The following NBEA variants were observed in gnomAD, a reference collection of about 807,000 sequenced individuals.
NBEA encodes the protein neurobeachin, also known as lysosomal-trafficking regulator 2.
Under a neutral mutation model 343.4 loss-of-function variants are expected in NBEA, and 44 were observed. That is an observed-to-expected ratio of 0.13 (90% CI 0.10 to 0.16). The LOEUF is 0.16. Ranked by LOEUF, NBEA falls within the 10% of genes least tolerant of loss-of-function variation. The probability of loss-of-function intolerance (pLI) is 1.00; values close to 1 mark genes in which losing one functional copy is unlikely to be tolerated. For synonymous variants in NBEA, 1,175 were observed against 1,238.7 expected (o/e 0.95, Z 1.08); for missense variants, 2,555 against 3,631.3 (o/e 0.70, Z 7.62).
intron 36 of NBEA, among the ~76,000 whole-genome samples, chr13:35,324,219 G>A (rs1178766546): frequency 6.6e-6 from 1 of 152,158 alleles, no homozygotes; most frequent in Non-Finnish European, 1.5e-5. Flanking sequence ...AGATGAGCAG[G>A]ACAGATAGGA....
intron 38 of NBEA, among the ~76,000 whole-genome samples, chr13:35,373,245 G>T (rs999379247): frequency 6.6e-6 from 1 of 152,068 alleles, no homozygotes. Flanking sequence ...TGATCTGTTG[G>T]AAGTGTGATT....
intron 56 of NBEA, 116 bp from the exon 57 acceptor site, chr13:35,667,257 TC>T (rs1034466029): frequency 6.1e-6 from 5 of 816,644 alleles, no homozygotes; most frequent in Non-Finnish European, 9.9e-6. Flanking sequence ...CCTACCTCTT[TC>T]CTGTCCTCTT....
At chr13:35,389,526 T>G (rs1022945269) in intron 38 of NBEA, among the ~76,000 whole-genome samples, 2 of 152,032 alleles carry the variant, frequency 1.3e-5, no homozygotes, top group Non-Finnish European at 2.9e-5. Context: ...AATACCTCAA[T>G]CCAAATGATC....
chr13:35,214,007 A>C (rs372065230), intron 33 of NBEA, among the ~76,000 whole-genome samples: 33 of 151,988 alleles, frequency 2.2e-4, no homozygotes, highest in African/African-American at 7.9e-4. Flanking sequence ...AGTACATACT[A>C]TTTTTGGTGT....
intron 41 of NBEA, among the ~76,000 whole-genome samples, chr13:35,545,701 G>C (rs1025717334): frequency 6.6e-6 from 1 of 152,170 alleles, no homozygotes; most frequent in Admixed American, 6.5e-5. Context: ...AAATTGCTTA[G>C]CCTAAAGCCC....
At position 35,594,685 on chromosome 13, in the gene NBEA, G is replaced by A. The variant is rs114783950; in HGVS notation, c.7296+1238G>A. Among the ~76,000 whole-genome samples, 551 of 152,090 alleles carry A rather than the reference G, an allele frequency of 3.6e-3. 1 individual carries two copies. Among genetic ancestry groups the A allele is most frequent in the African/African-American group, 0.013 (524 of 41,506 alleles). ...TTTGTTACCAGTGAAGTCAAGGAGG[G>A]AGTCTGTTTCTTATATAATAACACT... On this transcript the variant is annotated intron_variant, in intron 47 of 58. Transcript: ENST00000379939.
intron 38 of NBEA, among the ~76,000 whole-genome samples, chr13:35,366,740 AATAATT>A (rs1273715624): frequency 2.0e-5 from 3 of 151,300 alleles, no homozygotes; most frequent in African/African-American, 7.3e-5. Flanking sequence ...AAACTGAAAA[AATAATT>A]AACACATCAC....
At chr13:35,356,337 C>A (rs1330440323) in intron 38 of NBEA, among the ~76,000 whole-genome samples, 2 of 152,084 alleles carry the variant, frequency 1.3e-5, no homozygotes, top group Non-Finnish European at 2.9e-5. Flanking sequence ...TCACAAGTTC[C>A]TCAAAAAGAC....
At chr13:35,190,190 G>A (rs2072074329) in intron 30 of NBEA, among the ~76,000 whole-genome samples, 1 of 152,166 alleles carries the variant, frequency 6.6e-6, no homozygotes, top group African/African-American at 2.4e-5. Context: ...AGAAAAGCCT[G>A]TCTCCAAGGT....
rs143599505 is a variant in NBEA, at chr13:35,054,035, T to C, written c.973-1975T>C. 4.8e-3 allele frequency among the ~76,000 whole-genome samples: 727 copies of C among 152,198 alleles called. 3 individuals are homozygous for C. The highest frequency in any genetic ancestry group is 7.3e-3 in the Non-Finnish European group (498 of 67,982). On this transcript the variant is annotated intron_variant, in intron 6 of 58. Transcript: ENST00000379939. ...AGTAGTAAGAACTCAGTAAGTATTG[T>C]TTGAATGAGTACTTTTTTTAATAGT... is the stretch of plus-strand genomic sequence containing the variant.
At chr13:35,466,593 A>G (rs949010428) in intron 40 of NBEA, among the ~76,000 whole-genome samples, 5 of 152,090 alleles carry the variant, frequency 3.3e-5, no homozygotes, top group African/African-American at 1.2e-4. Context: ...TCAGCTTCCT[A>G]GGTAGCCAGG....
rs201864452 is a variant in NBEA at position 35,159,765 on chromosome 13, T to C, written c.3594T>C (p.Cys1198=). The C allele has an allele frequency of 5.8e-5, 93 of 1,613,172 alleles. No homozygotes were observed. In the African/African-American group the frequency reaches 8.8e-4, roughly 15 times the overall value. The change falls in exon 22 of 59, where the codon TGT becomes TGC. Residue 1198 remains cysteine, a synonymous_variant. Coordinates refer to ENST00000379939, the MANE Select transcript of NBEA (RefSeq NM_001385012.1). ...AHMTGSVDLT[C]TSSIIEEKEF... ...TGACCGGTAGCGTAGACTTAACTTG[T>C]ACATCCAGTATAATAGAAGAAAAAG...
intron 38 of NBEA, among the ~76,000 whole-genome samples, chr13:35,416,437 G>A (rs974895317): frequency 6.6e-6 from 1 of 152,104 alleles, no homozygotes; most frequent in African/African-American, 2.4e-5. Flanking sequence ...CTACTTTAGT[G>A]AGAGTTTTTA....
At chr13:35,241,425 T>A (rs903462299) in intron 34 of NBEA, among the ~76,000 whole-genome samples, 4 of 151,740 alleles carry the variant, frequency 2.6e-5, no homozygotes, top group African/African-American at 9.7e-5. Flanking sequence ...CAAAAGACAC[T>A]ACCACTGTGG....
intron 18 of NBEA, among the ~76,000 whole-genome samples, chr13:35,144,131 G>GA (rs2068266307): frequency 6.6e-6 from 1 of 152,114 alleles, no homozygotes; most frequent in African/African-American, 2.4e-5. Flanking sequence ...TTCTTTTAAG[G>GA]AAAAGTACAG....
chr13:35,595,904 G>T (rs908944604), intron 47 of NBEA, among the ~76,000 whole-genome samples: 1 of 151,780 alleles, frequency 6.6e-6, no homozygotes, highest in African/African-American at 2.4e-5. Context: ...TTTGAGTGAC[G>T]TGGAACATTT....
intron 1 of NBEA, among the ~76,000 whole-genome samples, chr13:35,031,213 A>G (rs922726025): frequency 4.6e-5 from 7 of 151,674 alleles, no homozygotes; most frequent in Admixed American, 4.6e-4. Flanking sequence ...GTTTTTATAT[A>G]GTTTATTTCT....
intron 35 of NBEA, among the ~76,000 whole-genome samples, chr13:35,292,942 A>G (rs531890595): frequency 6.6e-6 from 1 of 152,006 alleles, no homozygotes; most frequent in African/African-American, 2.4e-5. Flanking sequence ...AAGAAAATGC[A>G]ATATTGTGTT....
intron 38 of NBEA, among the ~76,000 whole-genome samples, chr13:35,424,551 C>A (rs974101925): frequency 6.6e-6 from 1 of 152,054 alleles, no homozygotes; most frequent in Admixed American, 6.6e-5. Context: ...TTCGGTTTGC[C>A]AGTATTTTAT....
Sources: gnomAD v4.1 joint callset for allele counts (sites outside exome capture counted in the v4.1 genomes callset) on GRCh38, gnomAD v4.1.1 for gene constraint, MANE v1.5 for transcripts, NCBI Gene and HGNC (gene_info 2026-07-23, HGNC 2026-07-21) for gene names.